Variants in NEGR1 observed in about 807,000 individuals in gnomAD.
NEGR1 encodes the protein neuronal growth regulator 1.
Under a neutral mutation model 40.9 loss-of-function variants are expected in NEGR1, and 10 were observed. The observed-to-expected ratio is 0.24, with a 90% confidence interval of 0.15 to 0.42. NEGR1 has a LOEUF of 0.42. NEGR1 is among the 10% of genes least tolerant of loss of function. The pLI, the probability that NEGR1 is intolerant of heterozygous loss-of-function variation, is 1.00. For synonymous variants in NEGR1, 185 were observed against 166.8 expected (o/e 1.11, Z -0.84); for missense variants, 352 against 438.9 (o/e 0.80, Z 1.77).
chr1:72,165,802 T>C (rs1327282346), intron 1 of NEGR1, among the ~76,000 whole-genome samples: 1 of 152,080 alleles, frequency 6.6e-6, no homozygotes, highest in Non-Finnish European at 1.5e-5. Context: ...TCTTAAACTT[T>C]AAGTGCTACT....
chr1:71,668,077 T>C (rs1218316126), intron 4 of NEGR1, among the ~76,000 whole-genome samples: 1 of 152,220 alleles, frequency 6.6e-6, no homozygotes, highest in Non-Finnish European at 1.5e-5. Flanking sequence ...TTTAAATACA[T>C]GCTAGGAACT....
chr1:71,972,971 C>T (rs11803787), intron 1 of NEGR1, among the ~76,000 whole-genome samples: 45,775 of 151,940 alleles, frequency 0.3, 7,753 homozygotes, highest in African/African-American at 0.47. Flanking sequence ...AAGATTCCCT[C>T]GCAGAGGTAA....
In NEGR1 at chr1:71,407,434, G is replaced by A. The variant is rs749013935; in HGVS notation, c.*12C>T. On this transcript the variant is annotated 3_prime_UTR_variant, in exon 7 of 7. Coordinates refer to ENST00000357731, the MANE Select transcript of NEGR1 (RefSeq NM_173808.3). ...CAGAGAATCCTTAAAAGCCTTTTAT[G>A]GGTCTTTGAATTTATTGTAGAATGG... is the stretch of plus-strand genomic sequence containing the variant. The A allele has an allele frequency of 3.7e-6, 6 of 1,610,462 alleles. No homozygotes were observed. The highest frequency in any genetic ancestry group is 3.3e-5 in the Admixed American group (2 of 59,748).
intron 1 of NEGR1, among the ~76,000 whole-genome samples, chr1:72,151,515 T>G (rs1651123873): frequency 1.3e-5 from 2 of 151,454 alleles, no homozygotes; most frequent in South Asian, 4.2e-4. Flanking sequence ...CACATATACA[T>G]GATAATCAAT....
chr1:72,106,401 A>C (rs1263900222), intron 1 of NEGR1, among the ~76,000 whole-genome samples: 2 of 152,058 alleles, frequency 1.3e-5, no homozygotes, highest in African/African-American at 4.8e-5. Flanking sequence ...CCACTTCCCC[A>C]AAGTTCTTTG....
At chr1:71,453,353 G>C (rs1181612405) in intron 6 of NEGR1, among the ~76,000 whole-genome samples, 1 of 152,066 alleles carries the variant, frequency 6.6e-6, no homozygotes, top group African/African-American at 2.4e-5. Flanking sequence ...TCCCTGGCTT[G>C]CAGGGACAGG....
In NEGR1 at chr1:71,847,615, C is replaced by A. The variant is rs1471911027; in HGVS notation, c.410-71318G>T. On this transcript the variant is annotated intron_variant, in intron 2 of 6. Coordinates refer to ENST00000357731, the MANE Select transcript of NEGR1 (RefSeq NM_173808.3). Reference sequence around the variant, plus strand: ...ATGGCAAGCTTAATCAATAAATGTTCTATATGTTCTGACTGCTTCACTGAC... The same window carrying A: ...ATGGCAAGCTTAATCAATAAATGTTATATATGTTCTGACTGCTTCACTGAC... Among the ~76,000 whole-genome samples, 6 of 152,282 alleles carry A rather than the reference C, an allele frequency of 3.9e-5. No homozygotes were observed. The East Asian group carries it at 1.2e-3, about 29-fold the overall frequency.
At chr1:71,482,467 A>C (rs1646860172) in intron 6 of NEGR1, among the ~76,000 whole-genome samples, 1 of 151,862 alleles carries the variant, frequency 6.6e-6, no homozygotes, top group African/African-American at 2.4e-5. Flanking sequence ...AAAAATATAC[A>C]TACACTTGTC....
intron 1 of NEGR1, among the ~76,000 whole-genome samples, chr1:72,120,572 C>T (rs984235984): frequency 9.2e-5 from 14 of 151,580 alleles, no homozygotes; most frequent in Non-Finnish European, 1.9e-4. Flanking sequence ...AGGTTAGTTA[C>T]ATATGTATAC....
At chr1:71,689,374 C>T (rs1182123689) in intron 4 of NEGR1, among the ~76,000 whole-genome samples, 2 of 151,992 alleles carry the variant, frequency 1.3e-5, no homozygotes, top group African/African-American at 2.4e-5. Context: ...AGAGTGATTC[C>T]CTCATTTTCT....
At chr1:71,578,723 C>T (rs138454688) in intron 6 of NEGR1, among the ~76,000 whole-genome samples, 2 of 152,086 alleles carry the variant, frequency 1.3e-5, no homozygotes, top group East Asian at 3.9e-4. Flanking sequence ...AATAGACTAA[C>T]AGTGTACTAG....
At chr1:72,030,095 T>A (rs1231766983) in intron 1 of NEGR1, among the ~76,000 whole-genome samples, 1 of 152,124 alleles carries the variant, frequency 6.6e-6, no homozygotes, top group Non-Finnish European at 1.5e-5. Context: ...CCTCATGTAG[T>A]TGCAGAATAT....
intron 6 of NEGR1, among the ~76,000 whole-genome samples, chr1:71,459,024 G>T (rs953590167): frequency 2.0e-5 from 3 of 151,526 alleles, no homozygotes; most frequent in Non-Finnish European, 2.9e-5. Flanking sequence ...TATCAGTTCT[G>T]GCCATTAAAT....
intron 1 of NEGR1, among the ~76,000 whole-genome samples, chr1:72,116,761 AAT>A (rs1388406650): frequency 6.6e-5 from 10 of 151,786 alleles, no homozygotes; most frequent in Non-Finnish European, 1.2e-4. Flanking sequence ...TTTCAAATGA[AAT>A]AGTCTGTAAA....
At chr1:71,886,567 G>A (rs769254806) in intron 2 of NEGR1, among the ~76,000 whole-genome samples, 38 of 151,968 alleles carry the variant, frequency 2.5e-4, no homozygotes, top group South Asian at 6.2e-4. Flanking sequence ...TTATTTATTC[G>A]GGGCAGAACA....
At chr1:71,989,411 A>G (rs1207425359) in intron 1 of NEGR1, among the ~76,000 whole-genome samples, 1 of 152,214 alleles carries the variant, frequency 6.6e-6, no homozygotes, top group African/African-American at 2.4e-5. Flanking sequence ...AATACTCAAT[A>G]TATGATAAAA....
At chr1:72,024,953 G>A (rs754571257) in intron 1 of NEGR1, among the ~76,000 whole-genome samples, 1 of 152,046 alleles carries the variant, frequency 6.6e-6, no homozygotes, top group Non-Finnish European at 1.5e-5. Flanking sequence ...AATATAATTG[G>A]TTCTGCCTTT....
intron 6 of NEGR1, among the ~76,000 whole-genome samples, chr1:71,572,480 T>TG (rs1453538138): frequency 7.9e-5 from 12 of 152,222 alleles, no homozygotes; most frequent in Non-Finnish European, 1.5e-4. Flanking sequence ...AACAGTACCC[T>TG]GCACATTAAC....
chr1:71,769,072 C>CTT lies in NEGR1; in HGVS notation c.535+7098_535+7099dup, dbSNP rs57724666. On this transcript the variant is annotated intron_variant, in intron 3 of 6. Coordinates refer to ENST00000357731, the MANE Select transcript of NEGR1 (RefSeq NM_173808.3). Reference sequence around the variant, plus strand: ...GTGATTAACATTTTTAACAATAAAACTTTTTTTTTTTTACAAATTACCTAG... The same window carrying CTT: ...GTGATTAACATTTTTAACAATAAAACTTTTTTTTTTTTTTACAAATTACCTAG... Among the ~76,000 whole-genome samples, 598 of 148,382 alleles carry CTT rather than the reference C, an allele frequency of 4.0e-3. 3 individuals are homozygous for CTT. The highest frequency in any genetic ancestry group is 7.0e-3 in the Middle Eastern group (2 of 286).
Sources: gnomAD v4.1 joint callset for allele counts (sites outside exome capture counted in the v4.1 genomes callset) on GRCh38, gnomAD v4.1.1 for gene constraint, MANE v1.5 for transcripts, NCBI Gene and HGNC (gene_info 2026-07-23, HGNC 2026-07-21) for gene names.